The following STK3 variants were observed in gnomAD, a reference collection of about 807,000 sequenced individuals.
STK3 encodes the protein serine/threonine kinase 3, also known as serine/threonine-protein kinase 3.
A neutral mutation model predicts 58.0 loss-of-function variants in STK3; 41 were observed. That is an observed-to-expected ratio of 0.71 (90% confidence interval 0.55 to 0.92). The LOEUF (loss-of-function observed/expected upper bound fraction) is 0.92, where lower values mean the gene tolerates loss of function less well. Among genes scored for constraint, STK3 ranks in the 40% least tolerant of loss-of-function variants. The pLI is 0.00. For missense variants in STK3, 479 were observed against 602.7 expected (o/e 0.79, Z 2.15); for synonymous variants, 170 against 191.0 (o/e 0.89, Z 0.91).
upstream of STK3, among the ~76,000 whole-genome samples, chr8:98,828,056 C>A (rs908752542): frequency 1.3e-5 from 2 of 151,670 alleles, no homozygotes; most frequent in Non-Finnish European, 2.9e-5. Context: ...GTCACTGCAA[C>A]CTCTGCCTCC....
At chr8:98,646,187 A>C (rs528282278) in intron 6 of STK3, among the ~76,000 whole-genome samples, 8 of 152,306 alleles carry the variant, frequency 5.3e-5, no homozygotes, top group Admixed American at 5.2e-4. Flanking sequence ...CTACCACTGT[A>C]ATGAACTATT....
At chr8:98,641,797 TACA>T (rs1820040112) in intron 6 of STK3, among the ~76,000 whole-genome samples, 2 of 152,250 alleles carry the variant, frequency 1.3e-5, no homozygotes, top group South Asian at 4.1e-4. Flanking sequence ...TGTTACTGAG[TACA>T]ACATCACAAG....
At chr8:98,759,641 A>T (rs976362756) in intron 3 of STK3, among the ~76,000 whole-genome samples, 6 of 146,310 alleles carry the variant, frequency 4.1e-5, no homozygotes, top group African/African-American at 1.5e-4. Context: ...ACCTTCAATT[A>T]AAAAAAAAAA....
chr8:98,803,025 G>A (rs1833660117), intron 1 of STK3, among the ~76,000 whole-genome samples: 1 of 152,184 alleles, frequency 6.6e-6, no homozygotes, highest in African/African-American at 2.4e-5. Flanking sequence ...ACTTGTTGCA[G>A]GTAAAGGTTT....
intron 1 of STK3, among the ~76,000 whole-genome samples, chr8:98,799,862 A>C (rs1335450532): frequency 6.6e-6 from 1 of 152,186 alleles, no homozygotes; most frequent in Admixed American, 6.5e-5. Flanking sequence ...CTACAATCCC[A>C]AATAGACTCT....
chr8:98,539,974 G>A (rs1178814987), intron 9 of STK3, among the ~76,000 whole-genome samples: 2 of 152,220 alleles, frequency 1.3e-5, no homozygotes, highest in South Asian at 2.1e-4. Context: ...GGCTGGTCTC[G>A]AACTCCTGAC....
chr8:98,861,898 T>C (rs1208804464), intron 3 of STK3, among the ~76,000 whole-genome samples: 1 of 152,170 alleles, frequency 6.6e-6, no homozygotes, highest in Non-Finnish European at 1.5e-5. Flanking sequence ...GAAAATTTAT[T>C]ATTTGAAGTC....
At position 98,741,017 on chromosome 8, in the gene STK3, G is replaced by A. The variant is rs945043350; in HGVS notation, c.351+8259C>T. On this transcript the variant is annotated intron_variant, in intron 4 of 10. Coordinates refer to ENST00000419617, the MANE Select transcript of STK3 (RefSeq NM_006281.4). ...CAAAGAAGGCCATTACATAATGGTA[G>A]AGGGATCAATTCAACAAGAAGAGCT... 1.0e-3 allele frequency among the ~76,000 whole-genome samples: 159 copies of A among 152,202 alleles called. 3 individuals carry two copies. The highest frequency in any genetic ancestry group is 9.0e-3 in the Admixed American group (137 of 15,286).
chr8:98,865,299 G>A (rs1221627253), intron 3 of STK3, among the ~76,000 whole-genome samples: 1 of 152,120 alleles, frequency 6.6e-6, no homozygotes, highest in Admixed American at 6.6e-5. Flanking sequence ...CAGAGCTTGT[G>A]TTTCTTCCCC....
chr8:98,903,536 TTCTTCTTCTTCTTCTTCTTCC>T (rs1838748184), intron 1 of STK3, among the ~76,000 whole-genome samples: 2 of 29,558 alleles, frequency 6.8e-5, no homozygotes, highest in African/African-American at 2.0e-4. Flanking sequence ...CTTCTTCTTC[TTCTTCTTCTTCTTCTTCTTCC>T]TTTTTTTTTT....
chr8:98,725,520 TATAA>T (rs1207118128), intron 4 of STK3, among the ~76,000 whole-genome samples: 1 of 152,182 alleles, frequency 6.6e-6, no homozygotes, highest in Non-Finnish European at 1.5e-5. Flanking sequence ...AAGATCTCCA[TATAA>T]TACTGTTAAA....
intron 6 of STK3, chr8:98,633,791 T>TTACC (rs1020185720): frequency 1.3e-4 from 72 of 538,346 alleles, no homozygotes; most frequent in African/African-American, 1.2e-3. Flanking sequence ...AGCAAGTGTA[T>TTACC]GGTAAAGCAG....
chr8:98,626,165 T>C (rs1460932819), intron 6 of STK3, among the ~76,000 whole-genome samples: 1 of 152,110 alleles, frequency 6.6e-6, no homozygotes, highest in African/African-American at 2.4e-5. Context: ...ATCTGCAGCA[T>C]AGAAGCCTTA....
At chr8:98,582,042 C>T (rs1165282492) in intron 7 of STK3, among the ~76,000 whole-genome samples, 3 of 152,022 alleles carry the variant, frequency 2.0e-5, no homozygotes, top group Non-Finnish European at 2.9e-5. Context: ...TAATTCAGAA[C>T]ATGAACAAAA....
At chr8:98,581,254 T>A (rs968542119) in intron 7 of STK3, among the ~76,000 whole-genome samples, 16 of 152,168 alleles carry the variant, frequency 1.1e-4, no homozygotes, top group Non-Finnish European at 2.1e-4. Flanking sequence ...ACTGGTACTG[T>A]GGGAAGTAGT....
chr8:98,589,625 C>T (rs1815068791), intron 7 of STK3, among the ~76,000 whole-genome samples: 1 of 152,220 alleles, frequency 6.6e-6, no homozygotes, highest in Non-Finnish European at 1.5e-5. Flanking sequence ...GTGGGCTCCA[C>T]CCAGTTCGAG....
intron 3 of STK3, among the ~76,000 whole-genome samples, chr8:98,757,420 C>T (rs927294302): frequency 2.0e-5 from 3 of 150,124 alleles, no homozygotes; most frequent in Admixed American, 6.7e-5. Flanking sequence ...ATGGTGAAAC[C>T]CTGTCTCTAC....
intron 10 of STK3, among the ~76,000 whole-genome samples, chr8:98,502,215 T>C (rs1013493066): frequency 6.6e-6 from 1 of 152,180 alleles, no homozygotes; most frequent in African/African-American, 2.4e-5. Flanking sequence ...TTGTCTGTTA[T>C]TGGTGTATAG....
chr8:98,617,197 T>C (rs902632515), intron 6 of STK3, among the ~76,000 whole-genome samples: 1 of 151,378 alleles, frequency 6.6e-6, no homozygotes, highest in African/African-American at 2.4e-5. Flanking sequence ...CTGAACAACC[T>C]GCTCCTGAAT....
Sources: allele counts gnomAD v4.1 joint callset (sites outside exome capture counted in the v4.1 genomes callset), GRCh38; gene constraint gnomAD v4.1.1; transcripts MANE v1.5; gene names NCBI Gene and HGNC (gene_info 2026-07-23, HGNC 2026-07-21).